OSBPL8: variants seen among roughly 807,000 people sequenced by gnomAD.
OSBPL8 encodes the protein oxysterol-binding protein-related protein 8.
Under a neutral mutation model 125.5 loss-of-function variants are expected in OSBPL8, and 59 were observed. The ratio of observed to expected loss-of-function variants is 0.47; its 90% CI spans 0.38 to 0.58. The LOEUF is 0.58. Among genes scored for constraint, OSBPL8 ranks in the 20% least tolerant of loss-of-function variants. The pLI, the probability that OSBPL8 is intolerant of heterozygous loss-of-function variation, is 0.00. For missense variants in OSBPL8, 758 were observed against 1,047.8 expected, an observed-to-expected ratio of 0.72 and a Z score of 3.82; for synonymous variants, 330 against 338.9, an observed-to-expected ratio of 0.97 and a Z score of 0.29.
At chr12:76,506,651 G>A (rs2137152390) in intron 1 of OSBPL8, among the ~76,000 whole-genome samples, 1 of 152,146 alleles carries the variant, frequency 6.6e-6, no homozygotes, top group South Asian at 2.1e-4. Context: ...AACTAAAAAA[G>A]GAAGCAAGAT....
chr12:76,501,528 G>C (rs549473940), intron 1 of OSBPL8, among the ~76,000 whole-genome samples: 4 of 152,346 alleles, frequency 2.6e-5, no homozygotes, highest in African/African-American at 9.6e-5. Flanking sequence ...TCTTAGCAGA[G>C]AGGTATTTTA....
intron 1 of OSBPL8, among the ~76,000 whole-genome samples, chr12:76,506,453 G>A (rs1001910836): frequency 3.9e-5 from 6 of 152,120 alleles, no homozygotes; most frequent in Admixed American, 3.9e-4. Context: ...TCTGTAGACA[G>A]AAAAGAACCC....
intron 4 of OSBPL8, among the ~76,000 whole-genome samples, chr12:76,447,922 G>A (rs1422174281): frequency 1.3e-5 from 2 of 152,170 alleles, no homozygotes; most frequent in Admixed American, 6.5e-5. Context: ...GATTAAGGAC[G>A]TAATGACATA....
At chr12:76,545,262 T>A (rs1395540842) in intron 1 of OSBPL8, among the ~76,000 whole-genome samples, 1 of 152,228 alleles carries the variant, frequency 6.6e-6, no homozygotes, top group Non-Finnish European at 1.5e-5. Context: ...TTAGATATTT[T>A]AAGTTACAGC....
chr12:76,388,036 T>C (rs1953393029), intron 12 of OSBPL8, among the ~76,000 whole-genome samples: 1 of 152,176 alleles, frequency 6.6e-6, no homozygotes, highest in Admixed American at 6.5e-5. Flanking sequence ...GGTTGCAAAC[T>C]ATACATACTC....
intron 1 of OSBPL8, among the ~76,000 whole-genome samples, chr12:76,521,979 G>T (rs1283711377): frequency 6.6e-6 from 1 of 152,086 alleles, no homozygotes; most frequent in Non-Finnish European, 1.5e-5. Flanking sequence ...AATAATTGGG[G>T]AAAAAAGTAA....
chr12:76,363,810 G>A (rs183112882), intron 21 of OSBPL8, among the ~76,000 whole-genome samples: 33 of 151,808 alleles, frequency 2.2e-4, no homozygotes, highest in Non-Finnish European at 4.0e-4. Context: ...ACAAATTTAC[G>A]AGAAAAAAAC....
chr12:76,500,620 T>G (rs1879802039), intron 1 of OSBPL8, among the ~76,000 whole-genome samples: 1 of 152,216 alleles, frequency 6.6e-6, no homozygotes, highest in Non-Finnish European at 1.5e-5. Context: ...CCCCAATACT[T>G]TTATAGTTTC....
intron 3 of OSBPL8, among the ~76,000 whole-genome samples, chr12:76,453,142 C>T (rs957401293): frequency 6.6e-6 from 1 of 152,016 alleles, no homozygotes; most frequent in African/African-American, 2.4e-5. Flanking sequence ...CATTAAATTC[C>T]ATGAGAGAAG....
chr12:76,448,020 C>T (rs914372348), intron 4 of OSBPL8, among the ~76,000 whole-genome samples: 1 of 152,070 alleles, frequency 6.6e-6, no homozygotes, highest in Admixed American at 6.5e-5. Flanking sequence ...TAAATATAGA[C>T]TAGGTGTTAG....
At chr12:76,402,550 T>C (rs981256484) in intron 6 of OSBPL8, 139 bp downstream of exon 6, 7 of 647,240 alleles carry the variant, frequency 1.1e-5, no homozygotes, top group South Asian at 8.8e-5. Flanking sequence ...ACATTTTCTA[T>C]GTGTGCCTGC....
intron 21 of OSBPL8, among the ~76,000 whole-genome samples, chr12:76,363,675 A>C (rs1047764159): frequency 6.6e-6 from 1 of 152,216 alleles, no homozygotes; most frequent in Non-Finnish European, 1.5e-5. Flanking sequence ...TAATTAAACT[A>C]AAGAGCTTCT....
intron 1 of OSBPL8, among the ~76,000 whole-genome samples, chr12:76,497,553 G>A (rs1485931442): frequency 6.6e-6 from 1 of 152,162 alleles, no homozygotes; most frequent in Non-Finnish European, 1.5e-5. Context: ...TGCTCAGCAT[G>A]TGTCTCACTA....
intron 1 of OSBPL8, among the ~76,000 whole-genome samples, chr12:76,536,304 T>A (rs1055559266): frequency 6.6e-6 from 1 of 151,920 alleles, no homozygotes; most frequent in Admixed American, 6.6e-5. Flanking sequence ...CTGGCCAACA[T>A]GGTGAAACTA....
At chr12:76,462,044 C>G (rs1378102596) in intron 2 of OSBPL8, among the ~76,000 whole-genome samples, 3 of 152,272 alleles carry the variant, frequency 2.0e-5, no homozygotes, top group South Asian at 2.1e-4. Context: ...ATGATTGCAT[C>G]GTTTCCCTAG....
intron 15 of OSBPL8, among the ~76,000 whole-genome samples, chr12:76,383,357 A>G (rs1592570041): frequency 6.6e-6 from 1 of 150,926 alleles, no homozygotes; most frequent in Non-Finnish European, 1.5e-5. Context: ...TAAGGGGAAA[A>G]AAACAAGCAA....
At chr12:76,476,629 A>G in intron 2 of OSBPL8, among the ~76,000 whole-genome samples, 1 of 152,196 alleles carries the variant, frequency 6.6e-6, no homozygotes, top group East Asian at 1.9e-4. Flanking sequence ...ACATAAGTTA[A>G]GCAAGATGAA....
At chr12:76,425,527 AG>A (rs972993570) in intron 4 of OSBPL8, among the ~76,000 whole-genome samples, 21 of 152,336 alleles carry the variant, frequency 1.4e-4, no homozygotes, top group African/African-American at 4.3e-4. Flanking sequence ...GTACAGAAAC[AG>A]GACATCCAAT....
chr12:76,501,065 TATTG>T (rs1402815819), intron 1 of OSBPL8, among the ~76,000 whole-genome samples: 1 of 151,006 alleles, frequency 6.6e-6, no homozygotes, highest in African/African-American at 2.5e-5. Flanking sequence ...TGTAATTATT[TATTG>T]AGTAATTGTA....
Sources: gnomAD v4.1 joint callset for allele counts (sites outside exome capture counted in the v4.1 genomes callset) on GRCh38, gnomAD v4.1.1 for gene constraint, MANE v1.5 for transcripts, NCBI Gene and HGNC (gene_info 2026-07-23, HGNC 2026-07-21) for gene names.